The following NKAIN2 variants were observed in gnomAD, a reference collection of about 807,000 sequenced individuals.
NKAIN2 encodes sodium/potassium-transporting ATPase subunit beta-1-interacting protein 2.
NKAIN2 carries 14 observed loss-of-function variants against 32.6 expected under a neutral mutation model. The observed-to-expected ratio is 0.43, with a 90% CI of 0.28 to 0.67. The LOEUF is 0.67. Ranked by LOEUF, NKAIN2 falls within the 30% of genes least tolerant of loss-of-function variation. The probability of loss-of-function intolerance (pLI) is 0.17; values close to 1 mark genes in which losing one functional copy is unlikely to be tolerated. For missense variants in NKAIN2, 198 were observed against 258.3 expected, an observed-to-expected ratio of 0.77 and a Z score of 1.60; for synonymous variants, 80 against 87.2, an observed-to-expected ratio of 0.92 and a Z score of 0.46.
At chr6:123,894,521 C>T (rs893815742) in intron 1 of NKAIN2, among the ~76,000 whole-genome samples, 2 of 151,922 alleles carry the variant, frequency 1.3e-5, no homozygotes, top group Non-Finnish European at 2.9e-5. Context: ...TCTGTAAAAC[C>T]TGAGAAGCAT....
At chr6:123,906,314 T>TAA (rs1774865737) in intron 1 of NKAIN2, among the ~76,000 whole-genome samples, 1 of 151,844 alleles carries the variant, frequency 6.6e-6, no homozygotes, top group Non-Finnish European at 1.5e-5. Context: ...GTCAGGGTCT[T>TAA]ACTCTTTTCA....
intron 3 of NKAIN2, among the ~76,000 whole-genome samples, chr6:124,645,242 A>G (rs1784127089): frequency 6.6e-6 from 1 of 152,158 alleles, no homozygotes; most frequent in Non-Finnish European, 1.5e-5. Context: ...ACATCCTCTA[A>G]CAACAGGATT....
At chr6:124,379,183 GA>G (rs1800139572) in intron 3 of NKAIN2, among the ~76,000 whole-genome samples, 2 of 5,238 alleles carry the variant, frequency 3.8e-4, no homozygotes, top group Non-Finnish European at 8.6e-4. Flanking sequence ...GAGGGAAGAG[GA>G]GGGGAGGGAG....
intron 3 of NKAIN2, among the ~76,000 whole-genome samples, chr6:124,469,738 TCA>T (rs1044067739): frequency 7.2e-5 from 11 of 152,190 alleles, no homozygotes; most frequent in African/African-American, 2.7e-4. Context: ...GGACAGTTTT[TCA>T]CAGTAAAAAT....
intron 1 of NKAIN2, among the ~76,000 whole-genome samples, chr6:124,051,733 T>C (rs1157052719): frequency 6.6e-6 from 1 of 151,954 alleles, no homozygotes; most frequent in Non-Finnish European, 1.5e-5. Context: ...TCAAAATAAT[T>C]TCATTGAATT....
At chr6:124,765,499 G>A (rs1320328495) in intron 4 of NKAIN2, among the ~76,000 whole-genome samples, 4 of 152,182 alleles carry the variant, frequency 2.6e-5, no homozygotes, top group African/African-American at 9.7e-5. Flanking sequence ...CCATTTCATA[G>A]AGTCACACTG....
intron 1 of NKAIN2, among the ~76,000 whole-genome samples, chr6:124,236,035 G>T (rs1303266360): frequency 6.6e-6 from 1 of 151,994 alleles, no homozygotes; most frequent in East Asian, 1.9e-4. Context: ...TAGGGAAATT[G>T]CTGTCCTTTT....
chr6:124,603,476 A>G (rs530908355), intron 3 of NKAIN2, among the ~76,000 whole-genome samples: 1 of 151,952 alleles, frequency 6.6e-6, no homozygotes, highest in Non-Finnish European at 1.5e-5. Context: ...TGCTTCACCT[A>G]TCAGGAGCCC....
At chr6:124,557,804 T>C (rs774562554) in intron 3 of NKAIN2, among the ~76,000 whole-genome samples, 1 of 152,226 alleles carries the variant, frequency 6.6e-6, no homozygotes, top group Non-Finnish European at 1.5e-5. Context: ...AGAGGTTTTC[T>C]GGTTAGAAAG....
intron 1 of NKAIN2, among the ~76,000 whole-genome samples, chr6:124,203,717 A>G (rs1790706435): frequency 1.3e-5 from 2 of 151,828 alleles, no homozygotes; most frequent in African/African-American, 4.8e-5. Flanking sequence ...AAGTATCTTG[A>G]AAAGATCATA....
chr6:123,817,159 T>C (rs1045486198), intron 1 of NKAIN2, among the ~76,000 whole-genome samples: 1 of 152,116 alleles, frequency 6.6e-6, no homozygotes, highest in South Asian at 2.1e-4. Context: ...GTTTAATGAA[T>C]ATGTGAATGG....
At chr6:124,534,213 A>G (rs1470092533) in intron 3 of NKAIN2, among the ~76,000 whole-genome samples, 1 of 151,844 alleles carries the variant, frequency 6.6e-6, no homozygotes, top group East Asian at 1.9e-4. Flanking sequence ...GTGCAGTGAC[A>G]CAATTTTGGC....
rs1304608078 is a variant in NKAIN2, at chr6:124,528,733, A to G, written c.274-129453A>G. Among the ~76,000 whole-genome samples, 6 of 152,228 alleles carry G rather than the reference A, an allele frequency of 3.9e-5. 1 individual carries two copies. Among genetic ancestry groups the G allele is most frequent in the South Asian group, 2.1e-4 (1 of 4,832 alleles). On this transcript the variant is annotated intron_variant, in intron 3 of 6. Transcript: ENST00000368417. ...AAAGTGAAACAATATATTTTAAAACATATCATTTCAACTGTACCTATTACT... is the reference window on the plus strand; with the variant it reads ...AAAGTGAAACAATATATTTTAAAACGTATCATTTCAACTGTACCTATTACT...
chr6:124,357,291 T>A (rs966960167), intron 3 of NKAIN2, among the ~76,000 whole-genome samples: 1 of 152,200 alleles, frequency 6.6e-6, no homozygotes, highest in African/African-American at 2.4e-5. Context: ...TAGTTATCTG[T>A]ACTGGGTTTT....
At chr6:124,615,616 A>G (rs991145814) in intron 3 of NKAIN2, among the ~76,000 whole-genome samples, 7 of 152,204 alleles carry the variant, frequency 4.6e-5, no homozygotes, top group Non-Finnish European at 8.8e-5. Context: ...AATGATGGGA[A>G]TGAAAATATG....
At chr6:123,985,892 A>G (rs1779114951) in intron 1 of NKAIN2, among the ~76,000 whole-genome samples, 1 of 152,082 alleles carries the variant, frequency 6.6e-6, no homozygotes, top group South Asian at 2.1e-4. Context: ...AACAGCATCT[A>G]AAAAAGCCTA....
chr6:123,937,384 A>T (rs1776564754), intron 1 of NKAIN2, among the ~76,000 whole-genome samples: 1 of 152,092 alleles, frequency 6.6e-6, no homozygotes, highest in Admixed American at 6.6e-5. Context: ...AGGTATCTCT[A>T]TGCCAAGTAC....
At chr6:124,159,722 G>T (rs1472706992) in intron 1 of NKAIN2, among the ~76,000 whole-genome samples, 2 of 152,126 alleles carry the variant, frequency 1.3e-5, no homozygotes, top group South Asian at 2.1e-4. Context: ...GAGGAACTAG[G>T]AAACAAAGGA....
At chr6:123,889,151 G>A (rs1162380636) in intron 1 of NKAIN2, among the ~76,000 whole-genome samples, 12 of 152,094 alleles carry the variant, frequency 7.9e-5, no homozygotes, top group Admixed American at 7.9e-4. Context: ...TTTTAGAAGA[G>A]TCATTTATAT....
Sources: gnomAD v4.1 joint callset for allele counts (sites outside exome capture counted in the v4.1 genomes callset) on GRCh38, gnomAD v4.1.1 for gene constraint, MANE v1.5 for transcripts, NCBI Gene and HGNC (gene_info 2026-07-23, HGNC 2026-07-21) for gene names.